The following SDK1 variants were observed in gnomAD, a reference collection of about 807,000 sequenced individuals.
SDK1 encodes the protein protein sidekick-1.
A neutral mutation model predicts 245.5 loss-of-function variants in SDK1; 157 were observed. The observed-to-expected ratio is 0.64, with a 90% CI of 0.56 to 0.73. The LOEUF is 0.73. Among genes scored for constraint, SDK1 ranks in the 30% least tolerant of loss-of-function variants. The probability of loss-of-function intolerance (pLI) is 0.00; values close to 1 mark genes in which losing one functional copy is unlikely to be tolerated. For synonymous variants in SDK1, 1,647 were observed against 1,278.5 expected (o/e 1.29, Z -6.15); for missense variants, 3,583 against 3,002.3 (o/e 1.19, Z -4.52).
At chr7:4,102,348 C>T (rs1034566476) in intron 22 of SDK1, among the ~76,000 whole-genome samples, 2 of 152,168 alleles carry the variant, frequency 1.3e-5, no homozygotes, top group South Asian at 4.1e-4. Flanking sequence ...TACTCAGTGT[C>T]TGTGGAAGTT....
chr7:4,003,975 T>A (rs1283600805), intron 14 of SDK1, among the ~76,000 whole-genome samples: 1 of 152,130 alleles, frequency 6.6e-6, no homozygotes, highest in Non-Finnish European at 1.5e-5. Context: ...TAGGCAACAA[T>A]GAGATGTGGA....
chr7:3,366,177 G>T (rs1262889528), intron 1 of SDK1, among the ~76,000 whole-genome samples: 5 of 152,062 alleles, frequency 3.3e-5, no homozygotes, highest in African/African-American at 4.8e-5. Context: ...AAATAGGTTT[G>T]AAGTCAAAAT....
At chr7:3,995,946 C>T (rs1451932433) in intron 14 of SDK1, among the ~76,000 whole-genome samples, 1 of 151,768 alleles carries the variant, frequency 6.6e-6, no homozygotes, top group East Asian at 1.9e-4. Context: ...TGATGTTTTC[C>T]TTTGTCACTT....
At chr7:3,648,232 C>G (rs758106009) in intron 4 of SDK1, among the ~76,000 whole-genome samples, 1 of 152,098 alleles carries the variant, frequency 6.6e-6, no homozygotes, top group Non-Finnish European at 1.5e-5. Flanking sequence ...CTGTACTTCT[C>G]TTTCCTCCAC....
chr7:3,539,729 T>C (rs1778999454), intron 1 of SDK1, among the ~76,000 whole-genome samples: 1 of 152,072 alleles, frequency 6.6e-6, no homozygotes, highest in Non-Finnish European at 1.5e-5. Flanking sequence ...TCAGGGTGAG[T>C]AGTGGAAATG....
chr7:3,841,429 G>T (rs181734200), intron 5 of SDK1, among the ~76,000 whole-genome samples: 5 of 152,334 alleles, frequency 3.3e-5, no homozygotes, highest in African/African-American at 1.2e-4. Flanking sequence ...TTGCTTGGCA[G>T]CACAGAACTG....
At chr7:3,473,336 A>C (rs1429833842) in intron 1 of SDK1, among the ~76,000 whole-genome samples, 1 of 152,222 alleles carries the variant, frequency 6.6e-6, no homozygotes, top group Non-Finnish European at 1.5e-5. Flanking sequence ...GTAGAAAACA[A>C]GGAGTGAAGT....
At chr7:4,047,481 G>A (rs983316554) in intron 17 of SDK1, among the ~76,000 whole-genome samples, 12 of 152,120 alleles carry the variant, frequency 7.9e-5, no homozygotes, top group African/African-American at 2.7e-4. Context: ...TCTGATTTTG[G>A]TATCAGGGTA....
intron 1 of SDK1, among the ~76,000 whole-genome samples, chr7:3,416,517 G>A (rs1418546408): frequency 6.7e-6 from 1 of 149,780 alleles, no homozygotes; most frequent in Non-Finnish European, 1.5e-5. Context: ...GCAGAAAGGT[G>A]CCAGCTATCC....
chr7:4,168,583 G>A (rs917692481), intron 32 of SDK1, among the ~76,000 whole-genome samples: 7 of 152,070 alleles, frequency 4.6e-5, no homozygotes, highest in Non-Finnish European at 1.0e-4. Context: ...TCCAGCCTTC[G>A]TCACGCCACC....
At chr7:4,194,388 A>ATGTATACATATATGTATGCACATATG (rs1783451742) in intron 35 of SDK1, among the ~76,000 whole-genome samples, 1 of 114,630 alleles carries the variant, frequency 8.7e-6, no homozygotes, top group Admixed American at 8.0e-5. Flanking sequence ...ATGTGTATAC[A>ATGTATACATATATGTATGCACATATG]TGTATACATA....
intron 1 of SDK1, among the ~76,000 whole-genome samples, chr7:3,307,582 G>A (rs940214153): frequency 5.9e-5 from 9 of 152,166 alleles, no homozygotes; most frequent in Non-Finnish European, 1.2e-4. Context: ...TAGTGTTTAG[G>A]TGGTTGGCTT....
chr7:3,714,561 G>A (rs1435960371), intron 4 of SDK1, among the ~76,000 whole-genome samples: 1 of 152,180 alleles, frequency 6.6e-6, no homozygotes, highest in Non-Finnish European at 1.5e-5. Context: ...TGTAAGTGGT[G>A]ATATTAGCAT....
At chr7:4,035,645 A>G (rs1479831901) in intron 17 of SDK1, among the ~76,000 whole-genome samples, 2 of 152,248 alleles carry the variant, frequency 1.3e-5, no homozygotes, top group Non-Finnish European at 2.9e-5. Context: ...AATTGGGACT[A>G]TAATGATTTT....
At chr7:4,060,034 C>A (rs1779435384) in intron 19 of SDK1, among the ~76,000 whole-genome samples, 1 of 152,108 alleles carries the variant, frequency 6.6e-6, no homozygotes, top group South Asian at 2.1e-4. Context: ...CGCCCACCAC[C>A]ACACCTAGCT....
At chr7:3,922,371 G>A (rs1373158747) in intron 5 of SDK1, among the ~76,000 whole-genome samples, 1 of 152,164 alleles carries the variant, frequency 6.6e-6, no homozygotes, top group Non-Finnish European at 1.5e-5. Flanking sequence ...GTCATATTGG[G>A]AGCTTGAAAT....
At chr7:3,303,205 C>G (rs954231722) in intron 1 of SDK1, among the ~76,000 whole-genome samples, 8 of 152,308 alleles carry the variant, frequency 5.3e-5, no homozygotes, top group Admixed American at 2.0e-4. Flanking sequence ...ATGACTTACT[C>G]TGGAAGAAAA....
At chr7:3,465,163 G>A (rs554368104) in intron 1 of SDK1, among the ~76,000 whole-genome samples, 3 of 152,140 alleles carry the variant, frequency 2.0e-5, no homozygotes, top group Non-Finnish European at 4.4e-5. Context: ...CGTGTGACAA[G>A]TGGGATTCTC....
At chr7:3,398,769 T>C (rs1323843380) in intron 1 of SDK1, among the ~76,000 whole-genome samples, 2 of 34,154 alleles carry the variant, frequency 5.9e-5, no homozygotes, top group Non-Finnish European at 1.4e-4. Flanking sequence ...CCCCCAGTAG[T>C]TTTTTTTTTT....
Sources: gnomAD v4.1 joint callset for allele counts (sites outside exome capture counted in the v4.1 genomes callset) on GRCh38, gnomAD v4.1.1 for gene constraint, MANE v1.5 for transcripts, NCBI Gene and HGNC (gene_info 2026-07-23, HGNC 2026-07-21) for gene names.